Variants in COBLL1 observed in about 807,000 individuals in gnomAD.
COBLL1 encodes cordon-bleu WH2 repeat protein like 1, also known as cordon-bleu protein-like 1.
In COBLL1, 50 loss-of-function variants were observed where a neutral mutation model predicts 94.8. The ratio of observed to expected loss-of-function variants is 0.53; its 90% CI spans 0.42 to 0.67. COBLL1 has a LOEUF of 0.67. Ranked by LOEUF, COBLL1 falls within the 30% of genes least tolerant of loss-of-function variation. The pLI is 0.00. For missense variants in COBLL1, 1,362 were observed against 1,348.7 expected (o/e 1.01, Z -0.15); for synonymous variants, 448 against 473.8 (o/e 0.95, Z 0.71).
rs78440683 is a variant in COBLL1 at position 164,790,144 on chromosome 2, C to T, written c.42-46269G>A. On this transcript the variant is annotated intron_variant, in intron 2 of 13. Coordinates refer to ENST00000652658, the MANE Select transcript of COBLL1 (RefSeq NM_001365672.2). ...ACCATCTGTGTGGAGTTTGCACTTA[C>T]GCCTCATGTCTGCATGGGTTTTCTC... 3.8e-3 allele frequency among the ~76,000 whole-genome samples: 572 copies of T among 152,314 alleles called. 7 individuals carry two copies. The highest frequency in any genetic ancestry group is 0.012 in the African/African-American group (518 of 41,550).
intron 2 of COBLL1, among the ~76,000 whole-genome samples, chr2:164,796,785 G>A (rs1028992459): frequency 6.6e-6 from 1 of 151,022 alleles, no homozygotes; most frequent in Non-Finnish European, 1.5e-5. Flanking sequence ...ATCAGCCTGG[G>A]CAACATATTA....
At position 164,775,599 on chromosome 2, in the gene COBLL1, A is replaced by C. The variant is rs189542577; in HGVS notation, c.42-31724T>G. On this transcript the variant is annotated intron_variant, in intron 2 of 13. Coordinates refer to ENST00000652658, the MANE Select transcript of COBLL1 (RefSeq NM_001365672.2). ...TGCCTCAGCTTCCTGAGTAGCTGGG[A>C]TTACAGGCGTGTGCCACCAGGCCCA... Among the ~76,000 whole-genome samples the C allele has an allele frequency of 3.0e-3, 460 of 152,240 alleles. 3 individuals are homozygous for C. The highest frequency in any genetic ancestry group is 4.9e-3 in the Non-Finnish European group (334 of 68,032).
At chr2:164,772,993 G>A (rs1200291946) in intron 2 of COBLL1, among the ~76,000 whole-genome samples, 1 of 100,326 alleles carries the variant, frequency 1.0e-5, no homozygotes, top group Non-Finnish European at 2.1e-5. Flanking sequence ...TACACTCAAA[G>A]TCTGCTCTAA....
intron 1 of COBLL1, among the ~76,000 whole-genome samples, chr2:164,667,318 G>A (rs141658387): frequency 7.9e-5 from 12 of 152,220 alleles, no homozygotes; most frequent in Middle Eastern, 3.4e-3. Context: ...GCATAATTAC[G>A]AAGGACGCTC....
intron 9 of COBLL1, chr2:164,702,986 T>A (rs974679398): frequency 4.7e-6 from 3 of 641,026 alleles, no homozygotes; most frequent in Non-Finnish European, 8.1e-6. Flanking sequence ...AAGGGGAAAC[T>A]TCTCTTTCTT....
intron 7 of COBLL1, among the ~76,000 whole-genome samples, chr2:164,710,737 G>A (rs1684855111): frequency 6.6e-6 from 1 of 151,888 alleles, no homozygotes; most frequent in African/African-American, 2.4e-5. Context: ...CTAATTTTTT[G>A]TATTTTTAGT....
chr2:164,664,416 T>C (rs192290856), intron 2 of COBLL1, among the ~76,000 whole-genome samples: 43 of 152,312 alleles, frequency 2.8e-4, no homozygotes, highest in African/African-American at 1.0e-3. Flanking sequence ...CATGACAAAA[T>C]GAAAAGTTCA....
At chr2:164,732,359 A>T (rs1368135235) in intron 3 of COBLL1, among the ~76,000 whole-genome samples, 1 of 152,216 alleles carries the variant, frequency 6.6e-6, no homozygotes, top group Admixed American at 6.5e-5. Context: ...AGGACATTTT[A>T]AATTTCATCC....
rs1362193754 is a variant in COBLL1 at position 164,682,253 on chromosome 2, G to GA, written c.*3692dup. Reference sequence around the variant, plus strand: ...AGATATTTTTACATCTAAAACCTCAGAAATCACTTTGACCCTGGAAATCTT... The same window carrying GA: ...AGATATTTTTACATCTAAAACCTCAGAAAATCACTTTGACCCTGGAAATCTT... On this transcript the variant is annotated 3_prime_UTR_variant, in exon 14 of 14. Transcript: ENST00000652658. 6.6e-6 allele frequency: 1 copy of GA among 152,092 alleles called. No homozygotes were observed. The allele number at this position is 152,092 out of a possible 1,614,324, so 9.4% of individuals were successfully genotyped here.
chr2:164,783,805 A>G (rs1167464054), intron 2 of COBLL1, among the ~76,000 whole-genome samples: 1 of 152,082 alleles, frequency 6.6e-6, no homozygotes, highest in Non-Finnish European at 1.5e-5. Flanking sequence ...AATCACGACA[A>G]AATATAAAAA....
chr2:164,740,765 C>T (rs1193950240), intron 3 of COBLL1, among the ~76,000 whole-genome samples: 4 of 152,166 alleles, frequency 2.6e-5, no homozygotes, highest in Non-Finnish European at 5.9e-5. Context: ...TATAAAGTGT[C>T]GGAAGATTTT....
At chr2:164,779,838 A>C in intron 2 of COBLL1, 1 of 441,080 alleles carries the variant, frequency 2.3e-6, no homozygotes, top group Non-Finnish European at 4.7e-6. Context: ...TTTAGACCGA[A>C]CATTAAAGGG....
chr2:164,795,562 C>T (rs142456269), intron 2 of COBLL1, among the ~76,000 whole-genome samples: 14 of 152,206 alleles, frequency 9.2e-5, no homozygotes, highest in East Asian at 1.9e-4. Flanking sequence ...TCTCCAGGAT[C>T]GTAAGCTATG....
At chr2:164,790,422 T>C (rs1304460398) in intron 2 of COBLL1, among the ~76,000 whole-genome samples, 2 of 152,202 alleles carry the variant, frequency 1.3e-5, no homozygotes, top group South Asian at 4.1e-4. Context: ...TAAATGTATG[T>C]ATAGCTCACA....
exon 2 of COBLL1, chr2:164,665,850 T>G (rs144709843): frequency 6.6e-6 from 1 of 152,294 alleles, no homozygotes; most frequent in East Asian, 1.9e-4. Context: ...ACCTTACCAT[T>G]TGCCTTCAAG....
chr2:164,738,674 T>C (rs1686441460), intron 3 of COBLL1, among the ~76,000 whole-genome samples: 1 of 152,234 alleles, frequency 6.6e-6, no homozygotes, highest in Non-Finnish European at 1.5e-5. Context: ...ACAGGTTGAG[T>C]ATCCCTCATC....
chr2:164,818,783 C>CATATATAT (rs1559047147), intron 2 of COBLL1, among the ~76,000 whole-genome samples: 1 of 117,550 alleles, frequency 8.5e-6, no homozygotes, highest in African/African-American at 2.9e-5. Context: ...TATATATATA[C>CATATATAT]ATATAATTTT....
In COBLL1 at chr2:164,833,243, A is replaced by G. The variant is rs1056639389; in HGVS notation, c.41+7913T>C. Among the ~76,000 whole-genome samples, 44 of 151,890 alleles carry G rather than the reference A, an allele frequency of 2.9e-4. 1 individual carries two copies. Among genetic ancestry groups the G allele is most frequent in the Non-Finnish European group, 1.5e-5 (1 of 67,972 alleles). ...GTGGCACATGCCTGTAATTCCAGCT[A>G]CTAGGGAGGTTGAGGCGAGAGGATC... On this transcript the variant is annotated intron_variant, in intron 2 of 13. Coordinates refer to ENST00000652658, the MANE Select transcript of COBLL1 (RefSeq NM_001365672.2).
At chr2:164,818,109 T>C (rs1489660601) in intron 2 of COBLL1, among the ~76,000 whole-genome samples, 2 of 151,378 alleles carry the variant, frequency 1.3e-5, no homozygotes, top group Non-Finnish European at 2.9e-5. Context: ...CACACATATA[T>C]ACACGTGTGC....
Sources: allele counts gnomAD v4.1 joint callset (sites outside exome capture counted in the v4.1 genomes callset), GRCh38; gene constraint gnomAD v4.1.1; transcripts MANE v1.5; gene names NCBI Gene and HGNC (gene_info 2026-07-23, HGNC 2026-07-21).